CDC73: variants seen among roughly 807,000 people sequenced by gnomAD.
CDC73 encodes cell division cycle 73, also known as parafibromin.
A neutral mutation model predicts 83.7 loss-of-function variants in CDC73; 21 were observed. The ratio of observed to expected loss-of-function variants is 0.25; its 90% CI spans 0.18 to 0.36. The LOEUF (loss-of-function observed/expected upper bound fraction) is 0.36, where lower values mean the gene tolerates loss of function less well. Among genes scored for constraint, CDC73 ranks in the 10% least tolerant of loss-of-function variants. CDC73 has a pLI of 1.00. For missense variants in CDC73, 342 were observed against 653.3 expected (o/e 0.52, Z 5.19); for synonymous variants, 224 against 212.9 (o/e 1.05, Z -0.45).
rs547580461 is a variant in CDC73 at position 193,170,642 on chromosome 1, ATTTG to A, written c.972+18202_972+18205del. On this transcript the variant is annotated intron_variant, in intron 10 of 16. Transcript: ENST00000367435. Reference sequence around the variant, plus strand: ...ATGATTTTTGTTGTTGTTGTTGTTTATTTGTTTAAGTTCCATATAGATGCTGGAT... The same window carrying A: ...ATGATTTTTGTTGTTGTTGTTGTTTATTTAAGTTCCATATAGATGCTGGAT... Among the ~76,000 whole-genome samples, 795 of 152,052 alleles carry A rather than the reference ATTTG, an allele frequency of 5.2e-3. 2 individuals carry two copies. The highest frequency in any genetic ancestry group is 8.3e-3 in the Non-Finnish European group (564 of 67,952).
At chr1:193,180,684 A>G (rs956192261) in intron 10 of CDC73, 19 of 1,613,978 alleles carry the variant, frequency 1.2e-5, no homozygotes, top group East Asian at 2.2e-5. Flanking sequence ...ACCACTTGCT[A>G]TCTTTGTTTC....
intron 13 of CDC73, among the ~76,000 whole-genome samples, chr1:193,220,438 G>A (rs888176788): frequency 2.0e-5 from 3 of 151,954 alleles, no homozygotes; most frequent in South Asian, 2.1e-4. Flanking sequence ...ATGAGCCACT[G>A]TGCCTGGCCT....
At chr1:193,242,749 A>G (rs968484812) in intron 15 of CDC73, among the ~76,000 whole-genome samples, 4 of 152,070 alleles carry the variant, frequency 2.6e-5, no homozygotes, top group African/African-American at 9.7e-5. Context: ...TTGTCATGCG[A>G]TCAGTATATC....
intron 2 of CDC73, among the ~76,000 whole-genome samples, chr1:193,126,131 A>G (rs1310226190): frequency 1.3e-5 from 2 of 152,192 alleles, no homozygotes; most frequent in African/African-American, 4.8e-5. Context: ...AAGTATTTAT[A>G]GAGATGTTTA....
chr1:193,142,345 C>T (rs1675920688), intron 7 of CDC73, among the ~76,000 whole-genome samples: 1 of 152,106 alleles, frequency 6.6e-6, no homozygotes, highest in African/African-American at 2.4e-5. Context: ...CCCAGTTTTC[C>T]TGTTGAGTCA....
chr1:193,130,098 A>G (rs530560938), intron 2 of CDC73, 76 bp from the exon 3 acceptor site: 2 of 757,198 alleles, frequency 2.6e-6, no homozygotes, highest in East Asian at 2.5e-5. Context: ...TAAAATTCAG[A>G]CATTACATGT....
At chr1:193,228,228 A>G (rs1325891287) in intron 13 of CDC73, among the ~76,000 whole-genome samples, 2 of 152,172 alleles carry the variant, frequency 1.3e-5, no homozygotes, top group Non-Finnish European at 2.9e-5. Context: ...GGCAGTCCTG[A>G]CATAGTTTTT....
chr1:193,148,672 G>A (rs1676052063), intron 8 of CDC73, among the ~76,000 whole-genome samples: 1 of 109,284 alleles, frequency 9.2e-6, no homozygotes. Flanking sequence ...TTTTGAGACA[G>A]TCTCACTCTG....
intron 5 of CDC73, among the ~76,000 whole-genome samples, 169 bp downstream of exon 5, chr1:193,135,758 T>G (rs548827327): frequency 6.6e-6 from 1 of 152,228 alleles, no homozygotes; most frequent in South Asian, 2.1e-4. Flanking sequence ...TAGTTTTAGC[T>G]CTCTCACATG....
At chr1:193,189,500 A>G (rs1232898785) in intron 10 of CDC73, among the ~76,000 whole-genome samples, 1 of 152,212 alleles carries the variant, frequency 6.6e-6, no homozygotes, top group African/African-American at 2.4e-5. Flanking sequence ...TTTCTTTTTC[A>G]GATTCAGCAA....
chr1:193,187,206 T>C (rs1676829317), intron 10 of CDC73, among the ~76,000 whole-genome samples: 1 of 151,466 alleles, frequency 6.6e-6, no homozygotes, highest in African/African-American at 2.4e-5. Context: ...TATGTGGTTT[T>C]TGGTGTTCTT....
intron 13 of CDC73, among the ~76,000 whole-genome samples, chr1:193,224,424 TCA>T (rs1677527356): frequency 6.6e-6 from 1 of 152,000 alleles, no homozygotes; most frequent in South Asian, 2.1e-4. Flanking sequence ...AAATATGCAT[TCA>T]CATATACACA....
At chr1:193,153,394 T>C (rs1246844354) in intron 10 of CDC73, among the ~76,000 whole-genome samples, 1 of 152,224 alleles carries the variant, frequency 6.6e-6, no homozygotes. Flanking sequence ...ATTATTATAC[T>C]TTTAAAATAC....
intron 3 of CDC73, among the ~76,000 whole-genome samples, chr1:193,135,109 A>C (rs946869240): frequency 3.3e-5 from 5 of 151,978 alleles, no homozygotes; most frequent in African/African-American, 1.2e-4. Context: ...TGTCTGTGTT[A>C]TGACATTGGA....
chr1:193,198,585 A>G (rs1448217212), intron 10 of CDC73, among the ~76,000 whole-genome samples: 1 of 152,240 alleles, frequency 6.6e-6, no homozygotes, highest in Non-Finnish European at 1.5e-5. Flanking sequence ...CAAATTGCCC[A>G]GTGTGTGGTA....
chr1:193,162,937 C>A (rs1676364517), intron 10 of CDC73, among the ~76,000 whole-genome samples: 1 of 152,080 alleles, frequency 6.6e-6, no homozygotes. Context: ...TCAGAAGTTA[C>A]TGAATTCTTA....
intron 11 of CDC73, among the ~76,000 whole-genome samples, chr1:193,204,350 C>T (rs957150469): frequency 3.8e-4 from 57 of 149,412 alleles, no homozygotes; most frequent in Middle Eastern, 3.5e-3. Context: ...AGTACACTGG[C>T]GCCATCTCAT....
intron 2 of CDC73, among the ~76,000 whole-genome samples, chr1:193,128,632 A>G (rs971958492): frequency 6.6e-6 from 1 of 152,182 alleles, no homozygotes; most frequent in Admixed American, 6.5e-5. Flanking sequence ...ATACAAGCAC[A>G]AAAAAACTCT....
chr1:193,236,793 C>A (rs1451311025), intron 15 of CDC73: 1 of 179,154 alleles, frequency 5.6e-6, no homozygotes, highest in Non-Finnish European at 1.2e-5. Flanking sequence ...ACTCGGGAGA[C>A]TGAGGCAGGA....
Sources: allele counts gnomAD v4.1 joint callset (sites outside exome capture counted in the v4.1 genomes callset), GRCh38; gene constraint gnomAD v4.1.1; transcripts MANE v1.5; gene names NCBI Gene and HGNC (gene_info 2026-07-23, HGNC 2026-07-21).